RAD51B: variants seen among roughly 807,000 people sequenced by gnomAD.
RAD51B encodes RAD51 paralog B.
A neutral mutation model predicts 42.2 loss-of-function variants in RAD51B; 38 were observed. The ratio of observed to expected loss-of-function variants is 0.90; its 90% CI spans 0.70 to 1.18. The LOEUF (loss-of-function observed/expected upper bound fraction) is 1.18. RAD51B is among the 50% of genes most tolerant of loss of function. The pLI is 0.00. For synonymous variants in RAD51B, 154 were observed against 145.2 expected (o/e 1.06, Z -0.43); for missense variants, 373 against 400.7 (o/e 0.93, Z 0.59).
chr14:68,366,863 T>C (rs1324636204), intron 8 of RAD51B, among the ~76,000 whole-genome samples: 1 of 152,212 alleles, frequency 6.6e-6, no homozygotes, highest in African/African-American at 2.4e-5. Context: ...CAAAAAGTCA[T>C]TGGTGGAACA....
intron 8 of RAD51B, among the ~76,000 whole-genome samples, chr14:68,316,313 TTCCA>T: frequency 6.6e-6 from 1 of 152,222 alleles, no homozygotes; most frequent in African/African-American, 2.4e-5. Flanking sequence ...ATGGAATTGG[TTCCA>T]GTTTACCAAC....
At chr14:68,118,807 A>ATG (rs980380190) in intron 7 of RAD51B, among the ~76,000 whole-genome samples, 7 of 147,454 alleles carry the variant, frequency 4.7e-5, no homozygotes, top group East Asian at 1.9e-4. Context: ...GTGTGTGCAC[A>ATG]TGTGTGTGTG....
At chr14:68,087,148 AAG>A (rs570721522) in intron 7 of RAD51B, among the ~76,000 whole-genome samples, 15 of 151,606 alleles carry the variant, frequency 9.9e-5, no homozygotes, top group African/African-American at 2.9e-4. Flanking sequence ...AAAAAAAAAA[AAG>A]AGAGAGAGAG....
intron 7 of RAD51B, among the ~76,000 whole-genome samples, chr14:68,261,573 C>G (rs566498436): frequency 8.5e-5 from 13 of 152,258 alleles, no homozygotes; most frequent in African/African-American, 2.6e-4. Flanking sequence ...ATTCATATTA[C>G]TATATACCCA....
At chr14:67,917,375 A>G (rs1482021934) in intron 7 of RAD51B, among the ~76,000 whole-genome samples, 1 of 152,174 alleles carries the variant, frequency 6.6e-6, no homozygotes, top group Non-Finnish European at 1.5e-5. Context: ...ATCACATGAC[A>G]AAAGCAAGAG....
intron 7 of RAD51B, among the ~76,000 whole-genome samples, chr14:68,106,474 T>A (rs917616796): frequency 6.6e-6 from 1 of 151,944 alleles, no homozygotes; most frequent in Non-Finnish European, 1.5e-5. Flanking sequence ...TGGCACAATG[T>A]TTTCTAGCCT....
chr14:68,607,965 A>T (rs1891519234), intron 10 of RAD51B, among the ~76,000 whole-genome samples: 1 of 152,342 alleles, frequency 6.6e-6, no homozygotes, highest in South Asian at 2.1e-4. Context: ...GGAATCAAGA[A>T]AAGAAGGTTC....
chr14:68,631,179 G>A (rs1214811708), intron 10 of RAD51B, among the ~76,000 whole-genome samples: 1 of 152,178 alleles, frequency 6.6e-6, no homozygotes, highest in African/African-American at 2.4e-5. Context: ...AATTCTGGAC[G>A]TATATGGTCA....
intron 10 of RAD51B, among the ~76,000 whole-genome samples, chr14:68,603,725 G>A (rs994202139): frequency 6.6e-6 from 1 of 152,238 alleles, no homozygotes; most frequent in African/African-American, 2.4e-5. Context: ...GGGAGTTAAT[G>A]ATTACTGCTG....
chr14:68,272,332 G>A (rs1307893683), intron 7 of RAD51B, among the ~76,000 whole-genome samples: 1 of 152,008 alleles, frequency 6.6e-6, no homozygotes, highest in Non-Finnish European at 1.5e-5. Flanking sequence ...CTCTCAGCAA[G>A]ACACTTCGCT....
At chr14:68,651,844 C>T (rs1892705750) in intron 11 of RAD51B, among the ~76,000 whole-genome samples, 1 of 152,248 alleles carries the variant, frequency 6.6e-6, no homozygotes, top group Non-Finnish European at 1.5e-5. Flanking sequence ...CTGAACCCCA[C>T]TCCAGAGCTT....
At chr14:68,413,197 G>A (rs1323750665) in intron 9 of RAD51B, among the ~76,000 whole-genome samples, 1 of 152,174 alleles carries the variant, frequency 6.6e-6, no homozygotes, top group Admixed American at 6.5e-5. Flanking sequence ...TAACCAGTCA[G>A]TGTCAACAGG....
At chr14:68,306,192 T>G in intron 8 of RAD51B, among the ~76,000 whole-genome samples, 1 of 152,258 alleles carries the variant, frequency 6.6e-6, no homozygotes, top group East Asian at 1.9e-4. Context: ...TATGGCAGTT[T>G]TAAATAATTA....
chr14:68,157,436 TAGA>T lies in RAD51B; in HGVS notation c.757-134445_757-134443del, dbSNP rs367880807. On this transcript the variant is annotated intron_variant, in intron 7 of 10. Transcript: ENST00000471583. Reference sequence around the variant, plus strand: ...CATTGTGAAAGATGGGGATACTATATAGAAGTAATAAAATAAAAGGTATGGAAT... The same window carrying T: ...CATTGTGAAAGATGGGGATACTATATAGTAATAAAATAAAAGGTATGGAAT... Among the ~76,000 whole-genome samples, 953 of 152,270 alleles carry T rather than the reference TAGA, an allele frequency of 6.3e-3. 8 individuals carry two copies. Among genetic ancestry groups the T allele is most frequent in the African/African-American group, 0.021 (888 of 41,550 alleles).
chr14:68,203,082 C>G (rs2079521884), intron 7 of RAD51B, among the ~76,000 whole-genome samples: 1 of 152,166 alleles, frequency 6.6e-6, no homozygotes, highest in Non-Finnish European at 1.5e-5. Flanking sequence ...TTTTGACCTC[C>G]TCCCATGAAT....
intron 7 of RAD51B, among the ~76,000 whole-genome samples, chr14:68,016,968 A>G (rs1224937565): frequency 6.6e-6 from 1 of 152,206 alleles, no homozygotes; most frequent in African/African-American, 2.4e-5. Context: ...AGAATGATCA[A>G]AATTTAAAAA....
chr14:68,470,309 C>G (rs940903762), intron 10 of RAD51B, among the ~76,000 whole-genome samples: 4 of 152,226 alleles, frequency 2.6e-5, no homozygotes, highest in African/African-American at 9.6e-5. Context: ...TTCCCAGAAG[C>G]AGTGGAACAC....
At chr14:68,072,503 G>A (rs375910569) in intron 7 of RAD51B, among the ~76,000 whole-genome samples, 4 of 151,938 alleles carry the variant, frequency 2.6e-5, no homozygotes, top group African/African-American at 9.7e-5. Flanking sequence ...CTTTACATTC[G>A]CTGGCAGCTG....
intron 8 of RAD51B, among the ~76,000 whole-genome samples, chr14:68,304,546 C>T (rs2081819767): frequency 1.3e-5 from 2 of 152,174 alleles, no homozygotes; most frequent in South Asian, 4.1e-4. Flanking sequence ...CCATGCATCA[C>T]TATAAGTGCA....
Sources: allele counts gnomAD v4.1 joint callset (sites outside exome capture counted in the v4.1 genomes callset), GRCh38; gene constraint gnomAD v4.1.1; transcripts MANE v1.5; gene names NCBI Gene and HGNC (gene_info 2026-07-23, HGNC 2026-07-21).